The following PARP11 variants were observed in gnomAD, a reference collection of about 807,000 sequenced individuals.
PARP11 encodes the protein poly(ADP-ribose) polymerase family member 11.
In PARP11, 31 loss-of-function variants were observed where a neutral mutation model predicts 42.9. That is an observed-to-expected ratio of 0.72 (90% confidence interval 0.54 to 0.98). The LOEUF (loss-of-function observed/expected upper bound fraction) is 0.98, where lower values mean the gene tolerates loss of function less well. Ranked by LOEUF, PARP11 falls within the 50% of genes least tolerant of loss-of-function variation. PARP11 has a pLI of 0.00. For synonymous variants in PARP11, 137 were observed against 127.3 expected (o/e 1.08, Z -0.51); for missense variants, 365 against 413.1 (o/e 0.88, Z 1.01).
chr12:3,848,961 GA>G (rs144422778), intron 1 of PARP11, among the ~76,000 whole-genome samples: 5,094 of 135,838 alleles, frequency 0.038, 308 homozygotes, highest in African/African-American at 0.13. Flanking sequence ...AACAGCAAAA[GA>G]AAAAAAAAAA....
chr12:3,847,079 G>A (rs1000557470), intron 1 of PARP11, among the ~76,000 whole-genome samples: 1 of 151,850 alleles, frequency 6.6e-6, no homozygotes, highest in African/African-American at 2.4e-5. Context: ...CCTGTAGGAA[G>A]AAAGAAAAAG....
chr12:3,839,178 C>T (rs550888674), intron 1 of PARP11, among the ~76,000 whole-genome samples: 1 of 149,472 alleles, frequency 6.7e-6, no homozygotes, highest in Admixed American at 6.7e-5. Context: ...TGCCGCCTGC[C>T]GCCGCTCGCG....
At chr12:3,833,509 T>C (rs760231826) in intron 1 of PARP11, among the ~76,000 whole-genome samples, 1 of 152,148 alleles carries the variant, frequency 6.6e-6, no homozygotes, top group Non-Finnish European at 1.5e-5. Context: ...GAGGCTGAGA[T>C]GGAAGGATTA....
chr12:3,823,069 A>T (rs545526874), intron 4 of PARP11, among the ~76,000 whole-genome samples: 1 of 152,374 alleles, frequency 6.6e-6, no homozygotes, highest in South Asian at 2.1e-4. Context: ...GGGATTTAAT[A>T]GCAAAAGGCT....
chr12:3,821,953 G>A lies in PARP11; in HGVS notation c.468C>T (p.Leu156=), dbSNP rs1224135506. ...QTHEYNEVAN[L]FGKTMDRNRI... ...GGTTGCGATCCATCGTCTTCCCAAA[G>A]AGATTAGCAACTTCATTATATTCAT... The change falls in exon 6 of 8, where the codon CTC becomes CTT. Residue 156 remains leucine (L), a synonymous_variant. Transcript: ENST00000228820. 1.2e-6 allele frequency: 2 copies of A among 1,610,170 alleles called. No individual in the cohort carries two copies. Among genetic ancestry groups the A allele is most frequent in the Non-Finnish European group, 1.7e-6 (2 of 1,178,948 alleles).
chr12:3,811,941 C>T lies in PARP11; in HGVS notation c.*182G>A, dbSNP rs1325623542. On this transcript the variant is annotated 3_prime_UTR_variant, in exon 8 of 8. Coordinates refer to ENST00000228820, the MANE Select transcript of PARP11 (RefSeq NM_020367.6). ...AACAAACAAGACTACAAGAAACAGG[C>T]AAAAACAAAACAACAAAAACCAACC... is the stretch of plus-strand genomic sequence containing the variant. The T allele has an allele frequency of 1.9e-6, 1 of 535,542 alleles. No individual in the cohort carries two copies. Among genetic ancestry groups the T allele is most frequent in the East Asian group, 3.0e-5 (1 of 33,006 alleles). The allele number at this position is 535,542 out of a possible 1,614,324, so 33.2% of individuals were successfully genotyped here.
intron 7 of PARP11, among the ~76,000 whole-genome samples, chr12:3,813,082 G>A (rs2138004857): frequency 6.6e-6 from 1 of 152,306 alleles, no homozygotes; most frequent in South Asian, 2.1e-4. Context: ...TGGGATTACA[G>A]GCGTGAGCCA....
In PARP11 at chr12:3,812,201, A is replaced by G; in HGVS notation, c.939T>C (p.Asp313=). Residue 313 remains aspartate, a synonymous_variant, in exon 8 of 8, where the codon GAT becomes GAC. Coordinates refer to ENST00000228820, the MANE Select transcript of PARP11 (RefSeq NM_020367.6). ...SYVNLYDSCV[D]DTWNPKIFVV... The stretch of plus-strand genomic sequence containing the variant: ...CAAAGATCTTTGGGTTCCAGGTATC[A>G]TCCACACAGCTGTCATATAAATTCA... 1 of 1,614,178 alleles carries G rather than the reference A, an allele frequency of 6.2e-7. No individual in the cohort carries two copies. The highest frequency in any genetic ancestry group is 8.5e-7 in the Non-Finnish European group (1 of 1,180,014).
At chr12:3,857,298 C>G (rs944342123) in intron 1 of PARP11, among the ~76,000 whole-genome samples, 1 of 151,828 alleles carries the variant, frequency 6.6e-6, no homozygotes, top group Non-Finnish European at 1.5e-5. Context: ...AAAAAAGATA[C>G]AGCATTAAAT....
intron 1 of PARP11, among the ~76,000 whole-genome samples, chr12:3,858,036 T>C (rs1367792426): frequency 6.6e-6 from 1 of 152,190 alleles, no homozygotes; most frequent in Non-Finnish European, 1.5e-5. Context: ...ACTGAAGACA[T>C]AGTCGTGCCT....
chr12:3,846,793 A>C (rs1324896627), intron 1 of PARP11, among the ~76,000 whole-genome samples: 1 of 149,910 alleles, frequency 6.7e-6, no homozygotes, highest in African/African-American at 2.5e-5. Context: ...AGAAATAGAA[A>C]ACTTGAATAG....
chr12:3,841,055 C>T, intron 1 of PARP11: 1 of 1,593,214 alleles, frequency 6.3e-7, no homozygotes, highest in Non-Finnish European at 8.6e-7. Context: ...GGACCTGATT[C>T]TGCTGTATCC....
intron 1 of PARP11, among the ~76,000 whole-genome samples, chr12:3,843,543 C>T (rs1026142593): frequency 3.9e-5 from 6 of 152,178 alleles, no homozygotes; most frequent in African/African-American, 2.4e-5. Flanking sequence ...CTGGAACTAT[C>T]GTATAGAAGA....
Position 3,812,001 on chromosome 12 carries a change from T to A in PARP11, c.*122A>T. 1.5e-6 allele frequency: 1 copy of A among 675,816 alleles called. No individual in the cohort carries two copies. The highest frequency in any genetic ancestry group is 3.4e-5 in the Admixed American group (1 of 29,588). The allele number at this position is 675,816 out of a possible 1,614,324, so 41.9% of individuals were successfully genotyped here. The stretch of plus-strand genomic sequence containing the variant: ...GTATGTCTTTTTATATGGAGGCCAC[T>A]TTTTTTCATATCTGTTTCAAAAGTA... On this transcript the variant is annotated 3_prime_UTR_variant, in exon 8 of 8. Transcript: ENST00000228820.
At chr12:3,822,561 T>A (rs944898962) in intron 4 of PARP11, among the ~76,000 whole-genome samples, 2 of 145,872 alleles carry the variant, frequency 1.4e-5, no homozygotes, top group Non-Finnish European at 3.0e-5. Flanking sequence ...ATTGCGCCAC[T>A]GCACTCCAGC....
intron 1 of PARP11, among the ~76,000 whole-genome samples, chr12:3,832,757 G>C (rs775985089): frequency 6.6e-6 from 1 of 152,152 alleles, no homozygotes; most frequent in South Asian, 2.1e-4. Context: ...ACCAGTTATC[G>C]GTTATGAAGC....
intron 1 of PARP11, among the ~76,000 whole-genome samples, chr12:3,860,915 T>C (rs1025530492): frequency 6.6e-6 from 1 of 152,154 alleles, no homozygotes; most frequent in Non-Finnish European, 1.5e-5. Flanking sequence ...TGGCCTCAAG[T>C]GATCCTCCCA....
chr12:3,828,908 A>G lies in PARP11; in HGVS notation c.268+2T>C. On this transcript the variant is annotated splice_donor_variant, in intron 3 of 7. Transcript: ENST00000228820. LOFTEE classifies it high-confidence loss of function. Reference sequence around the variant, plus strand: ...ACACAACTATTAGGGAAAAAAACATACCTGCAAAGTCTATCTTGTAGCTGA... The same window carrying G: ...ACACAACTATTAGGGAAAAAAACATGCCTGCAAAGTCTATCTTGTAGCTGA... The G allele has an allele frequency of 6.2e-7, 1 of 1,613,408 alleles. No homozygotes were observed. The highest frequency in any genetic ancestry group is 8.5e-7 in the Non-Finnish European group (1 of 1,179,558).
chr12:3,841,360 G>A lies in PARP11; in HGVS notation c.19-11342C>T. 4 of 1,295,602 alleles carry A rather than the reference G, an allele frequency of 3.1e-6. No individual in the cohort carries two copies. In the South Asian group the frequency reaches 4.8e-5, roughly 15 times the overall value. The allele number at this position is 1,295,602 out of a possible 1,614,324, so 80.3% of individuals were successfully genotyped here. The stretch of plus-strand genomic sequence containing the variant: ...GTACCCTCTGCACCAGGCCTACCTG[G>A]CAGCCTGCAGGATGTACCCAAAGGT... On this transcript the variant is annotated intron_variant, in intron 1 of 7. Transcript: ENST00000228820.
Sources: allele counts gnomAD v4.1 joint callset (sites outside exome capture counted in the v4.1 genomes callset), GRCh38; gene constraint gnomAD v4.1.1; transcripts MANE v1.5; gene names NCBI Gene and HGNC (gene_info 2026-07-23, HGNC 2026-07-21).